GRM4: variants seen among roughly 807,000 people sequenced by gnomAD.
The protein encoded by GRM4 is glutamate metabotropic receptor 4.
GRM4 carries 28 observed loss-of-function variants against 81.7 expected under a neutral mutation model. The observed-to-expected ratio is 0.34, with a 90% CI of 0.25 to 0.47. GRM4 has a LOEUF of 0.47. GRM4 is among the 20% of genes least tolerant of loss of function. The probability of loss-of-function intolerance (pLI) is 1.00; values close to 1 mark genes in which losing one functional copy is unlikely to be tolerated. For missense variants in GRM4, 948 were observed against 1,290.0 expected (o/e 0.73, Z 4.06); for synonymous variants, 488 against 528.8 (o/e 0.92, Z 1.06).
In GRM4 at chr6:34,049,521, A is replaced by G. The variant is rs543246420; in HGVS notation, c.1168+7023T>C. On this transcript the variant is annotated intron_variant, in intron 6 of 10. Transcript: ENST00000538487. ...CCCATCTGTACTCTGCCACCTCCCT[A>G]GTCACATGGCCACTCCAGCCTCTCC... Among the ~76,000 whole-genome samples, 4 of 151,816 alleles carry G rather than the reference A, an allele frequency of 2.6e-5. No individual in the cohort carries two copies. In the East Asian group the frequency reaches 7.7e-4, roughly 29 times the overall value.
rs541683115 is a variant in GRM4, at chr6:34,115,563, C to A, written c.519+17415G>T. On this transcript the variant is annotated intron_variant, in intron 2 of 10. Coordinates refer to ENST00000538487, the MANE Select transcript of GRM4 (RefSeq NM_000841.4). The surrounding 1 kb of genome is among the most constrained non-coding windows in gnomAD (Gnocchi z 4.1). Reference sequence around the variant, plus strand: ...GGACAGCAGCCTCCAGGGGTCTGCCCGAAGACACTCGGCAAACCTTTCAGG... The same window carrying A: ...GGACAGCAGCCTCCAGGGGTCTGCCAGAAGACACTCGGCAAACCTTTCAGG... 4.6e-5 allele frequency among the ~76,000 whole-genome samples: 7 copies of A among 152,228 alleles called. No individual in the cohort carries two copies. The South Asian group carries it at 1.5e-3, about 32-fold the overall frequency.
At chr6:34,050,291 T>C (rs952407820) in intron 6 of GRM4, among the ~76,000 whole-genome samples, 3 of 152,138 alleles carry the variant, frequency 2.0e-5, no homozygotes, top group African/African-American at 7.2e-5. Flanking sequence ...ATCGTTAGGA[T>C]GTTTGTCCCC....
chr6:34,062,084 C>T (rs1455322914), intron 3 of GRM4, 56 bp from the exon 4 acceptor site: 1 of 1,561,804 alleles, frequency 6.4e-7, no homozygotes, highest in African/African-American at 1.3e-5. Flanking sequence ...GTCTCCCCAC[C>T]ACTCTCCCAA....
In GRM4 at chr6:34,130,047, G is replaced by C. The variant is rs1317566887; in HGVS notation, c.519+2931C>G. 1.3e-5 allele frequency among the ~76,000 whole-genome samples: 2 copies of C among 152,116 alleles called. No individual in the cohort carries two copies. Among genetic ancestry groups the C allele is most frequent in the South Asian group, 2.1e-4 (1 of 4,826 alleles). On this transcript the variant is annotated intron_variant, in intron 2 of 10. Transcript: ENST00000538487. The surrounding 1 kb of genome is among the most constrained non-coding windows in gnomAD (Gnocchi z 4.1). ...GTGCCCTTTGAAATGGACACCTGGTGGTGGGCGCAGGTCCCCTCCCCCAAG... is the reference window on the plus strand; with the variant it reads ...GTGCCCTTTGAAATGGACACCTGGTCGTGGGCGCAGGTCCCCTCCCCCAAG...
chr6:34,154,366 AG>A (rs1262467586), intron 1 of GRM4, among the ~76,000 whole-genome samples: 1 of 152,072 alleles, frequency 6.6e-6, no homozygotes, highest in Non-Finnish European at 1.5e-5. Flanking sequence ...GGCACCCAAA[AG>A]CCCCCTCCTC....
chr6:34,020,270 A>G lies in GRM4; in HGVS notation c.*2551T>C, dbSNP rs896291252. 1.3e-5 allele frequency: 2 copies of G among 152,266 alleles called. No homozygotes were observed. The highest frequency in any genetic ancestry group is 4.8e-5 in the African/African-American group (2 of 41,432). 9.4% of individuals were successfully genotyped at this position (152,266 alleles called of 1,614,324 possible). A position where few individuals can be genotyped will look rare whatever the true frequency, so the allele number is the denominator to read the frequency against. The stretch of plus-strand genomic sequence containing the variant: ...GAGCCAAGGGGAGCCGAGGGGCAGC[A>G]TCCCCCTTGGAGAGGTGATTCTCCT... On this transcript the variant is annotated 3_prime_UTR_variant, in exon 11 of 11. Transcript: ENST00000538487.
chr6:34,060,239 G>GCC (rs200075651), intron 4 of GRM4: 2 of 151,924 alleles, frequency 1.3e-5, no homozygotes, highest in Admixed American at 6.6e-5. Context: ...CACTGGTGTA[G>GCC]CCCCCCCGCA....
Position 34,077,427 on chromosome 6 carries a change from C to T in GRM4, c.736+14456G>A, listed in dbSNP as rs555892028. 5.9e-5 allele frequency among the ~76,000 whole-genome samples: 9 copies of T among 152,248 alleles called. No individual in the cohort carries two copies. The East Asian group carries it at 1.5e-3, about 26-fold the overall frequency. ...CCCTAATTCACGGCGCACCTCCACT[C>T]CTGTCGACACCATCTTTCCAGACCA... On this transcript the variant is annotated intron_variant, in intron 3 of 10. Coordinates refer to ENST00000538487, the MANE Select transcript of GRM4 (RefSeq NM_000841.4).
chr6:34,110,320 A>C (rs1769317691), intron 2 of GRM4, among the ~76,000 whole-genome samples: 1 of 150,098 alleles, frequency 6.7e-6, no homozygotes, highest in Non-Finnish European at 1.5e-5. Context: ...AAAAAAAAAA[A>C]AAAAAAAAAC....
chr6:34,025,327 A>G (rs1388793429), intron 10 of GRM4, among the ~76,000 whole-genome samples: 2 of 152,000 alleles, frequency 1.3e-5, no homozygotes, highest in Non-Finnish European at 2.9e-5. Context: ...CCCCTGGGGG[A>G]ACTGATAAAA....
chr6:34,077,536 A>C (rs1267757306), intron 3 of GRM4, among the ~76,000 whole-genome samples: 1 of 151,304 alleles, frequency 6.6e-6, no homozygotes, highest in Non-Finnish European at 1.5e-5. Flanking sequence ...CCACCTGGTC[A>C]CTCCCATCCC....
chr6:34,132,395 C>T (rs2127510868), intron 2 of GRM4, among the ~76,000 whole-genome samples: 1 of 152,312 alleles, frequency 6.6e-6, no homozygotes, highest in Admixed American at 6.5e-5. Flanking sequence ...ATTCTCCAAC[C>T]ATAATCTCGG....
chr6:34,069,141 G>A lies in GRM4; in HGVS notation c.737-7113C>T, dbSNP rs1325203960. ...ACAGAGGGGAGGACAGGGGCTGGAA[G>A]CTACCCCTGGACCCTCATGGGCGTA... On this transcript the variant is annotated intron_variant, in intron 3 of 10. Transcript: ENST00000538487. The surrounding 1 kb of genome is among the most constrained non-coding windows in gnomAD (Gnocchi z 6.4). 6.7e-6 allele frequency among the ~76,000 whole-genome samples: 1 copy of A among 150,210 alleles called. No homozygotes were observed. The highest frequency in any genetic ancestry group is 1.5e-5 in the Non-Finnish European group (1 of 67,738).
Position 34,133,540 on chromosome 6 carries a change from GCCCTGGCAGGC to G in GRM4, c.-55_-45del. 1 of 1,507,328 alleles carries G rather than the reference GCCCTGGCAGGC, an allele frequency of 6.6e-7. No homozygotes were observed. Among genetic ancestry groups the G allele is most frequent in the South Asian group, 1.3e-5 (1 of 74,824 alleles). The allele number at this position is 1,507,328 out of a possible 1,614,324, so 93.4% of individuals were successfully genotyped here. A position where few individuals can be genotyped will look rare whatever the true frequency, so the allele number is the denominator to read the frequency against. ...CCCATGAACGGCAGGCCCACTCCTA[GCCCTGGCAGGC>G]CCCTGGCCCCACGGCCTGGGTGGGC... is the stretch of plus-strand genomic sequence containing the variant. On this transcript the variant is annotated 5_prime_UTR_variant, in exon 2 of 11. The change abolishes the stop of an existing upstream ORF in the 5' untranslated region. Transcript: ENST00000538487. This position sits in a 1 kb window ranked among gnomAD's most constrained non-coding sequence, Gnocchi z 6.5.
intron 6 of GRM4, among the ~76,000 whole-genome samples, chr6:34,053,247 C>T (rs1765697501): frequency 6.6e-6 from 1 of 152,120 alleles, no homozygotes; most frequent in South Asian, 2.1e-4. Flanking sequence ...CAGACTCAGA[C>T]CCAGGGGTGG....
rs1765407259 is a variant in GRM4 at position 34,047,356 on chromosome 6, G to A, written c.1169-6608C>T. On this transcript the variant is annotated intron_variant, in intron 6 of 10. Coordinates refer to ENST00000538487, the MANE Select transcript of GRM4 (RefSeq NM_000841.4). The surrounding 1 kb of genome is among the most constrained non-coding windows in gnomAD (Gnocchi z 4.5). ...CACCGCATAGACAGACCCAGACCTA[G>A]CCCAACATATGGATGGGGTGGAGAA... 6.6e-6 allele frequency among the ~76,000 whole-genome samples: 1 copy of A among 152,066 alleles called. No individual in the cohort carries two copies. Among genetic ancestry groups the A allele is most frequent in the Non-Finnish European group, 1.5e-5 (1 of 68,006 alleles).
chr6:34,071,787 C>A (rs1251697033), intron 3 of GRM4, among the ~76,000 whole-genome samples: 3 of 151,520 alleles, frequency 2.0e-5, no homozygotes, highest in Non-Finnish European at 4.4e-5. Flanking sequence ...CACATAGACA[C>A]ACAATCACCA....
At chr6:34,028,639 T>G (rs1438386200) in intron 9 of GRM4, among the ~76,000 whole-genome samples, 2 of 152,216 alleles carry the variant, frequency 1.3e-5, no homozygotes, top group African/African-American at 4.8e-5. Flanking sequence ...CTCCTAGGGC[T>G]GTTGTGAGAA....
intron 2 of GRM4, among the ~76,000 whole-genome samples, chr6:34,112,210 T>A (rs2127499722): frequency 6.6e-6 from 1 of 152,322 alleles, no homozygotes; most frequent in Middle Eastern, 3.4e-3. Flanking sequence ...AGGTTATTTA[T>A]CCAACGAGCG....
Sources: allele counts gnomAD v4.1 joint callset (sites outside exome capture counted in the v4.1 genomes callset), GRCh38; gene constraint gnomAD v4.1.1; non-coding constraint Gnocchi (gnomAD v3.1); transcripts MANE v1.5; gene names NCBI Gene and HGNC (gene_info 2026-07-23, HGNC 2026-07-21).